Variants in KAZN observed in about 807,000 individuals in gnomAD.
The protein encoded by KAZN is kazrin.
Under a neutral mutation model 87.4 loss-of-function variants are expected in KAZN, and 40 were observed. The ratio of observed to expected loss-of-function variants is 0.46; its 90% CI spans 0.36 to 0.60. KAZN has a LOEUF of 0.60. KAZN is among the 20% of genes least tolerant of loss of function. The pLI is 0.00. For synonymous variants in KAZN, 466 were observed against 458.3 expected (o/e 1.02, Z -0.22); for missense variants, 898 against 1,073.9 (o/e 0.84, Z 2.29).
intron 1 of KAZN, among the ~76,000 whole-genome samples, chr1:13,930,555 A>G (rs1640471352): frequency 6.6e-6 from 1 of 152,094 alleles, no homozygotes. Context: ...TTGTGATGCT[A>G]CTATGTGGTG....
chr1:14,723,178 C>A (rs553105162), intron 1 of KAZN, among the ~76,000 whole-genome samples: 1 of 152,102 alleles, frequency 6.6e-6, no homozygotes, highest in African/African-American at 2.4e-5. Flanking sequence ...CCTGACCCTG[C>A]GGCTGCACCA....
chr1:14,731,326 T>C (rs1319165529), intron 1 of KAZN, among the ~76,000 whole-genome samples: 1 of 152,188 alleles, frequency 6.6e-6, no homozygotes, highest in Non-Finnish European at 1.5e-5. Context: ...AACATCATCA[T>C]CGTCATTGTC....
intron 1 of KAZN, among the ~76,000 whole-genome samples, chr1:14,866,217 T>C (rs1306279147): frequency 1.3e-5 from 2 of 152,096 alleles, no homozygotes; most frequent in Admixed American, 6.6e-5. Flanking sequence ...CATCCCCACA[T>C]CACCTGTCCA....
intron 1 of KAZN, among the ~76,000 whole-genome samples, chr1:13,987,284 T>G (rs997358244): frequency 2.6e-5 from 4 of 152,176 alleles, no homozygotes; most frequent in Non-Finnish European, 5.9e-5. Flanking sequence ...AAGCCCCGCA[T>G]GCATCAGGTA....
At position 14,834,640 on chromosome 1, in the gene KAZN, C is replaced by G. The variant is rs140773057; in HGVS notation, c.227-126044C>G. On this transcript the variant is annotated intron_variant, in intron 1 of 14. Transcript: ENST00000376030. ...CCTCCCAAAGTGCTGGGATTACAGG[C>G]GTGAGCCACTGCGCCCAGCTGAAAC... Among the ~76,000 whole-genome samples the G allele has an allele frequency of 2.0e-5, 3 of 152,136 alleles. No homozygotes were observed. The South Asian group carries it at 6.2e-4, about 32-fold the overall frequency.
At chr1:14,793,310 C>T (rs1368563745) in intron 1 of KAZN, among the ~76,000 whole-genome samples, 2 of 135,270 alleles carry the variant, frequency 1.5e-5, no homozygotes, top group African/African-American at 2.6e-5. Flanking sequence ...CAAGGACCCA[C>T]TGCATTTTCC....
At chr1:14,913,373 A>G (rs1264020154) in intron 1 of KAZN, among the ~76,000 whole-genome samples, 1 of 152,222 alleles carries the variant, frequency 6.6e-6, no homozygotes, top group African/African-American at 2.4e-5. Flanking sequence ...TGTTTGTTTT[A>G]ATGAGAAACT....
At chr1:13,935,862 ATGTGTGTGTGTGTG>A (rs143281844) in intron 1 of KAZN, among the ~76,000 whole-genome samples, 11 of 124,234 alleles carry the variant, frequency 8.9e-5, no homozygotes, top group Admixed American at 3.7e-4. Flanking sequence ...TTACATCCTA[ATGTGTGTGTGTGTG>A]TGTGTGTGTG....
chr1:14,783,594 A>T (rs1645419063), intron 1 of KAZN, among the ~76,000 whole-genome samples: 1 of 152,198 alleles, frequency 6.6e-6, no homozygotes, highest in Admixed American at 6.5e-5. Flanking sequence ...AGAACAGCCA[A>T]GCCAAGAAAG....
At chr1:14,317,980 A>G (rs941759561) in intron 2 of KAZN, among the ~76,000 whole-genome samples, 1 of 151,964 alleles carries the variant, frequency 6.6e-6, no homozygotes, top group African/African-American at 2.4e-5. Flanking sequence ...TCATGTACCA[A>G]TATTAGAACC....
intron 10 of KAZN, among the ~76,000 whole-genome samples, chr1:15,097,191 A>T (rs1204242464): frequency 6.6e-6 from 1 of 152,136 alleles, no homozygotes; most frequent in Non-Finnish European, 1.5e-5. Flanking sequence ...ATCTAATAAG[A>T]GCTTTTGACA....
chr1:14,429,795 G>A (rs578142092), intron 2 of KAZN, among the ~76,000 whole-genome samples: 1 of 152,124 alleles, frequency 6.6e-6, no homozygotes, highest in South Asian at 2.1e-4. Context: ...CGACGTCATC[G>A]TTCCTATTGA....
chr1:15,112,485 G>A lies in KAZN; in HGVS notation c.2107G>A (p.Val703Ile), dbSNP rs148420593. 2.9e-4 allele frequency: 471 copies of A among 1,605,380 alleles called. No homozygotes were observed. Among genetic ancestry groups the A allele is most frequent in the Non-Finnish European group, 3.5e-4 (417 of 1,177,022 alleles). The part of the protein sequence containing the change: ...FGTPPGRASS[V>I]TRAGKEENSS... ...AACGCCCCCTGGCAGGGCCTCCAGCGTCACGCGGGCAGGAAAGGAGGAGAA... is the reference window on the plus strand; with the variant it reads ...AACGCCCCCTGGCAGGGCCTCCAGCATCACGCGGGCAGGAAAGGAGGAGAA... Residue 703 changes from valine (V) to isoleucine (I), a missense_variant, in exon 14 of 15, where the codon GTC becomes ATC. By Grantham distance (29) the Val-to-Ile change is conservative. Coordinates refer to ENST00000376030, the MANE Select transcript of KAZN (RefSeq NM_201628.3).
At chr1:14,877,366 G>T (rs1361309222) in intron 1 of KAZN, among the ~76,000 whole-genome samples, 1 of 152,148 alleles carries the variant, frequency 6.6e-6, no homozygotes, top group Non-Finnish European at 1.5e-5. Flanking sequence ...GTTCACCTTT[G>T]GTTACATGCA....
intron 1 of KAZN, among the ~76,000 whole-genome samples, chr1:13,919,666 T>C (rs1157004986): frequency 6.6e-6 from 1 of 152,238 alleles, no homozygotes; most frequent in East Asian, 1.9e-4. Context: ...TCCATTTCTG[T>C]ATTGGGTTAT....
chr1:14,032,010 A>ATGGC (rs1233432278), intron 1 of KAZN, among the ~76,000 whole-genome samples: 2 of 152,164 alleles, frequency 1.3e-5, no homozygotes, highest in African/African-American at 2.4e-5. Context: ...TTACGTCTGG[A>ATGGC]TGGCTGGCTG....
At chr1:13,955,298 T>C (rs1485211058) in intron 1 of KAZN, among the ~76,000 whole-genome samples, 1 of 152,218 alleles carries the variant, frequency 6.6e-6, no homozygotes, top group Non-Finnish European at 1.5e-5. Flanking sequence ...CGTATGACTG[T>C]CATTAGTATA....
intron 2 of KAZN, among the ~76,000 whole-genome samples, chr1:14,359,925 C>A (rs1032363990): frequency 6.6e-6 from 1 of 152,130 alleles, no homozygotes; most frequent in Non-Finnish European, 1.5e-5. Context: ...TGTGGTTGCT[C>A]TTCTCAAGGA....
chr1:14,630,945 AAT>A (rs540678601), intron 1 of KAZN, among the ~76,000 whole-genome samples: 65 of 152,358 alleles, frequency 4.3e-4, no homozygotes, highest in Admixed American at 8.5e-4. Context: ...AGTAAAAATC[AAT>A]ATGTTTAAAA....
Sources: allele counts gnomAD v4.1 joint callset (sites outside exome capture counted in the v4.1 genomes callset), GRCh38; gene constraint gnomAD v4.1.1; transcripts MANE v1.5; gene names NCBI Gene and HGNC (gene_info 2026-07-23, HGNC 2026-07-21).